Variants in DTWD2 observed in about 807,000 individuals in gnomAD.
DTWD2 encodes the protein DTW motif tRNA-uridine aminocarboxypropyltransferase 2, also known as tRNA-uridine aminocarboxypropyltransferase 2.
Under a neutral mutation model 31.8 loss-of-function variants are expected in DTWD2, and 39 were observed. The ratio of observed to expected loss-of-function variants is 1.22; its 90% CI spans 0.95 to 1.60. The LOEUF is 1.60. DTWD2 is among the 40% of genes most tolerant of loss of function. The pLI is 0.00. For missense variants in DTWD2, 515 were observed against 381.5 expected (o/e 1.35, Z -2.92); for synonymous variants, 180 against 142.8 (o/e 1.26, Z -1.86).
intron 4 of DTWD2, among the ~76,000 whole-genome samples, chr5:118,875,182 C>T (rs1371601614): frequency 6.6e-6 from 1 of 152,112 alleles, no homozygotes; most frequent in Non-Finnish European, 1.5e-5. Flanking sequence ...TGCCAACTGC[C>T]TTATGAGAGT....
At chr5:118,953,061 T>G (rs1162832140) in intron 1 of DTWD2, among the ~76,000 whole-genome samples, 1 of 152,208 alleles carries the variant, frequency 6.6e-6, no homozygotes, top group Non-Finnish European at 1.5e-5. Flanking sequence ...TCCCAAACTT[T>G]TGCTGTTATC....
intron 4 of DTWD2, among the ~76,000 whole-genome samples, chr5:118,889,521 C>T (rs760476608): frequency 1.6e-4 from 25 of 151,672 alleles, no homozygotes; most frequent in Non-Finnish European, 2.7e-4. Context: ...ATATCTAACA[C>T]GGGGGGATAT....
At chr5:118,982,290 G>C (rs1004964055) in intron 1 of DTWD2, among the ~76,000 whole-genome samples, 12 of 151,940 alleles carry the variant, frequency 7.9e-5, no homozygotes, top group African/African-American at 2.4e-4. Flanking sequence ...CCTATCGGAG[G>C]GTAAAAATAT....
At chr5:118,984,649 GA>G (rs2149605585) in intron 1 of DTWD2, among the ~76,000 whole-genome samples, 1 of 152,254 alleles carries the variant, frequency 6.6e-6, no homozygotes, top group East Asian at 1.9e-4. Context: ...AAACACTGGA[GA>G]GACAAAAACT....
intron 4 of DTWD2, among the ~76,000 whole-genome samples, chr5:118,880,402 A>G (rs1024504191): frequency 1.3e-4 from 20 of 152,224 alleles, no homozygotes; most frequent in African/African-American, 4.8e-4. Flanking sequence ...TCTTTAAAGC[A>G]TGCCACCTGA....
intron 1 of DTWD2, among the ~76,000 whole-genome samples, chr5:118,971,009 T>C (rs1754971831): frequency 6.6e-6 from 1 of 152,070 alleles, no homozygotes; most frequent in South Asian, 2.1e-4. Context: ...AAAGGAAAAA[T>C]CATTACCAGT....
intron 5 of DTWD2, among the ~76,000 whole-genome samples, chr5:118,842,006 A>G (rs1166021866): frequency 4.6e-5 from 7 of 152,194 alleles, no homozygotes; most frequent in Non-Finnish European, 8.8e-5. Context: ...AAAACCCCAC[A>G]TGAATTAACA....
intron 4 of DTWD2, among the ~76,000 whole-genome samples, chr5:118,874,191 A>G (rs1752570723): frequency 6.6e-6 from 1 of 152,228 alleles, no homozygotes; most frequent in East Asian, 1.9e-4. Context: ...AAAGAAAAAG[A>G]AAACCCATCC....
At chr5:118,910,435 T>C (rs1428774020) in intron 4 of DTWD2, among the ~76,000 whole-genome samples, 1 of 152,206 alleles carries the variant, frequency 6.6e-6, no homozygotes, top group Admixed American at 6.5e-5. Flanking sequence ...ATCTGAGACC[T>C]CATCAGAATG....
intron 2 of DTWD2, among the ~76,000 whole-genome samples, chr5:118,943,265 G>C (rs953404397): frequency 6.6e-6 from 1 of 152,122 alleles, no homozygotes; most frequent in East Asian, 1.9e-4. Context: ...CTGAGAAAAA[G>C]GTTAGGCCAG....
chr5:118,893,360 C>CAAA (rs751616981), intron 4 of DTWD2, among the ~76,000 whole-genome samples: 4 of 52,568 alleles, frequency 7.6e-5, no homozygotes, highest in African/African-American at 1.7e-4. Flanking sequence ...GACACAGTCT[C>CAAA]AAAAAAAAAA....
intron 4 of DTWD2, among the ~76,000 whole-genome samples, chr5:118,904,978 G>T (rs546824189): frequency 1.6e-4 from 25 of 152,204 alleles, no homozygotes; most frequent in African/African-American, 5.8e-4. Flanking sequence ...AGAACTCCAA[G>T]AAAGAGGTTA....
chr5:118,980,919 T>C (rs1755284978), intron 1 of DTWD2, among the ~76,000 whole-genome samples: 2 of 152,238 alleles, frequency 1.3e-5, no homozygotes, highest in African/African-American at 4.8e-5. Flanking sequence ...TGCATCATTA[T>C]TGACAATAGC....
In DTWD2 at chr5:118,940,870, A is replaced by C. The variant is rs527264237; in HGVS notation, c.310-1580T>G. Among the ~76,000 whole-genome samples, 7 of 152,326 alleles carry C rather than the reference A, an allele frequency of 4.6e-5. No individual in the cohort carries two copies. In the East Asian group the frequency reaches 1.2e-3, roughly 25 times the overall value. ...CTCTCACATCTAATATTATTAGTTAAGTCAATAAACAGTGTTTGCATCTTC... is the reference window on the plus strand; with the variant it reads ...CTCTCACATCTAATATTATTAGTTACGTCAATAAACAGTGTTTGCATCTTC... On this transcript the variant is annotated intron_variant, in intron 2 of 5. Transcript: ENST00000510708.
chr5:118,925,457 G>A (rs1037286338), intron 4 of DTWD2, among the ~76,000 whole-genome samples: 5 of 152,072 alleles, frequency 3.3e-5, no homozygotes, highest in South Asian at 2.1e-4. Flanking sequence ...CTTTTATCAC[G>A]ATTCCAAAAA....
At chr5:118,851,366 C>A (rs552745836) in intron 4 of DTWD2, among the ~76,000 whole-genome samples, 1 of 151,916 alleles carries the variant, frequency 6.6e-6, no homozygotes, top group Middle Eastern at 3.4e-3. Flanking sequence ...TACATCTGGG[C>A]CGCCGGGGGC....
chr5:118,985,110 T>C lies in DTWD2; in HGVS notation c.218+3184A>G, dbSNP rs567821080. Among the ~76,000 whole-genome samples the C allele has an allele frequency of 2.0e-5, 3 of 152,166 alleles. No individual in the cohort carries two copies. The East Asian group carries it at 5.8e-4, about 29-fold the overall frequency. ...TCCTGGGGCAACCACCACTAATCTCTGCAGCCTCGTCTCTCACCACTCCCT... is the reference window on the plus strand; with the variant it reads ...TCCTGGGGCAACCACCACTAATCTCCGCAGCCTCGTCTCTCACCACTCCCT... On this transcript the variant is annotated intron_variant, in intron 1 of 5. Coordinates refer to ENST00000510708, the MANE Select transcript of DTWD2 (RefSeq NM_173666.4).
intron 4 of DTWD2, among the ~76,000 whole-genome samples, chr5:118,883,096 G>A (rs1333660788): frequency 1.3e-5 from 2 of 152,252 alleles, no homozygotes; most frequent in East Asian, 1.9e-4. Context: ...ATGCTTTGCT[G>A]CTTAGAAATT....
At chr5:118,894,334 C>A (rs1157041588) in intron 4 of DTWD2, among the ~76,000 whole-genome samples, 1 of 151,934 alleles carries the variant, frequency 6.6e-6, no homozygotes, top group East Asian at 1.9e-4. Flanking sequence ...TGTTGGAAAA[C>A]AAAAAACTGA....
Sources: gnomAD v4.1 joint callset for allele counts (sites outside exome capture counted in the v4.1 genomes callset) on GRCh38, gnomAD v4.1.1 for gene constraint, MANE v1.5 for transcripts, NCBI Gene and HGNC (gene_info 2026-07-23, HGNC 2026-07-21) for gene names.